PHLPP1: variants seen among roughly 807,000 people sequenced by gnomAD.
The protein encoded by PHLPP1 is PH domain and leucine rich repeat protein phosphatase 1.
Under a neutral mutation model 117.2 loss-of-function variants are expected in PHLPP1, and 42 were observed. That is an observed-to-expected ratio of 0.36 (90% CI 0.28 to 0.46). The LOEUF (loss-of-function observed/expected upper bound fraction) is 0.46, where lower values mean the gene tolerates loss of function less well. PHLPP1 is among the 20% of genes least tolerant of loss of function. The probability of loss-of-function intolerance (pLI) is 1.00; values close to 1 mark genes in which losing one functional copy is unlikely to be tolerated. For synonymous variants in PHLPP1, 1,042 were observed against 970.7 expected (o/e 1.07, Z -1.37); for missense variants, 2,084 against 2,241.9 (o/e 0.93, Z 1.42).
chr18:62,780,046 A>C (rs1207166280), intron 1 of PHLPP1, among the ~76,000 whole-genome samples: 5 of 152,180 alleles, frequency 3.3e-5, no homozygotes, highest in Admixed American at 6.5e-5. Context: ...TTTTTTTAAC[A>C]GTGTATAATT....
chr18:62,810,732 C>G (rs993241400), intron 1 of PHLPP1, among the ~76,000 whole-genome samples: 7 of 152,146 alleles, frequency 4.6e-5, no homozygotes, highest in African/African-American at 1.7e-4. Flanking sequence ...GACTACTGTA[C>G]TCTCACTGCA....
chr18:62,842,365 A>C (rs1464582615), intron 3 of PHLPP1, among the ~76,000 whole-genome samples: 1 of 149,248 alleles, frequency 6.7e-6, no homozygotes, highest in African/African-American at 2.5e-5. Context: ...TAGTAAATGC[A>C]GACTTTTTTT....
At chr18:62,859,536 T>C (rs1328627132) in intron 3 of PHLPP1, among the ~76,000 whole-genome samples, 1 of 152,228 alleles carries the variant, frequency 6.6e-6, no homozygotes, top group Non-Finnish European at 1.5e-5. Flanking sequence ...CCTGAAAAGT[T>C]TGTAGCAGAC....
chr18:62,798,653 T>A (rs1261782041), intron 1 of PHLPP1, among the ~76,000 whole-genome samples: 1 of 152,164 alleles, frequency 6.6e-6, no homozygotes, highest in Non-Finnish European at 1.5e-5. Context: ...AAAACTCCTA[T>A]GCAAAAATGA....
intron 11 of PHLPP1, among the ~76,000 whole-genome samples, chr18:62,942,605 T>C (rs1202595036): frequency 1.3e-5 from 2 of 152,176 alleles, no homozygotes; most frequent in African/African-American, 2.4e-5. Flanking sequence ...GCGGTGACAT[T>C]ATATCTAGCT....
At chr18:62,951,138 C>A (rs527542382) in intron 12 of PHLPP1, among the ~76,000 whole-genome samples, 1 of 152,064 alleles carries the variant, frequency 6.6e-6, no homozygotes, top group Admixed American at 6.6e-5. Context: ...CCCGCCACCA[C>A]GCCCGGCTAT....
intron 3 of PHLPP1, among the ~76,000 whole-genome samples, chr18:62,842,683 A>T (rs1303701166): frequency 3.9e-5 from 6 of 152,174 alleles, no homozygotes; most frequent in Admixed American, 3.9e-4. Flanking sequence ...CAGATTTTCA[A>T]TACACTACTT....
chr18:62,914,713 C>T (rs1339924989), intron 8 of PHLPP1, among the ~76,000 whole-genome samples, 200 bp from the exon 9 acceptor site: 1 of 152,218 alleles, frequency 6.6e-6, no homozygotes, highest in East Asian at 1.9e-4. Flanking sequence ...TCTGCCTCTT[C>T]CTTACTTTTT....
chr18:62,762,687 T>C (rs1912291809), intron 1 of PHLPP1, among the ~76,000 whole-genome samples: 1 of 152,198 alleles, frequency 6.6e-6, no homozygotes, highest in Non-Finnish European at 1.5e-5. Flanking sequence ...GTACTGGGAT[T>C]ACAAGTGTGA....
chr18:62,800,760 C>G (rs997054457), intron 1 of PHLPP1, among the ~76,000 whole-genome samples: 3 of 151,794 alleles, frequency 2.0e-5, no homozygotes, highest in African/African-American at 4.8e-5. Flanking sequence ...TTCTAGAGTG[C>G]CTTGAAGCTA....
At position 62,979,475 on chromosome 18, in the gene PHLPP1, A is replaced by G; in HGVS notation, c.*44A>G. 6.5e-7 allele frequency: 1 copy of G among 1,528,142 alleles called. No homozygotes were observed. The highest frequency in any genetic ancestry group is 8.8e-7 in the Non-Finnish European group (1 of 1,133,790). The allele number at this position is 1,528,142 out of a possible 1,614,324, so 94.7% of individuals were successfully genotyped here. A position where few individuals can be genotyped will look rare whatever the true frequency, so the allele number is the denominator to read the frequency against. ...CAAATAAACTAACCACAAAAGACTG[A>G]GTTGCAAGAGTCTCCCAGGCTCACA... is the stretch of plus-strand genomic sequence containing the variant. On this transcript the variant is annotated 3_prime_UTR_variant, in exon 17 of 17. Coordinates refer to ENST00000262719, the MANE Select transcript of PHLPP1 (RefSeq NM_194449.4).
chr18:62,716,910 G>T lies in PHLPP1; in HGVS notation c.1227G>T (p.Thr409=). The T allele has an allele frequency of 6.5e-7, 1 of 1,532,516 alleles. No individual in the cohort carries two copies. 94.9% of individuals were successfully genotyped at this position (1,532,516 alleles called of 1,614,324 possible). A position where few individuals can be genotyped will look rare whatever the true frequency, so the allele number is the denominator to read the frequency against. The part of the protein sequence containing the change: ...HPAQPLPLPQ[T]ASSPQPQQKA... The stretch of plus-strand genomic sequence containing the variant: ...CGCAGCCCCTCCCGCTTCCCCAGAC[G>T]GCTTCCTCGCCTCAGCCGCAGCAGA... The change falls in exon 1 of 17, where the codon ACG becomes ACT. Residue 409 remains threonine (T), a synonymous_variant. Transcript: ENST00000262719. The surrounding 1 kb of genome is among the most constrained non-coding windows in gnomAD (Gnocchi z 5.7).
rs767341458 is a variant in PHLPP1 at position 62,975,379 on chromosome 18, C to A, written c.3756-18C>A. ...GATGGGCTGTGTTTGAGTGTCACCC[C>A]CTCTCTTCGGATTCCAGGAAACTTG... On this transcript the variant is annotated intron_variant, in intron 15 of 16. Coordinates refer to ENST00000262719, the MANE Select transcript of PHLPP1 (RefSeq NM_194449.4). 1.0e-5 allele frequency: 16 copies of A among 1,573,562 alleles called. No individual in the cohort carries two copies. Among genetic ancestry groups the A allele is most frequent in the Admixed American group, 1.7e-5 (1 of 59,930 alleles).
intron 1 of PHLPP1, among the ~76,000 whole-genome samples, chr18:62,814,070 C>T (rs1914198242): frequency 6.6e-6 from 1 of 151,936 alleles, no homozygotes. Context: ...AAACTGTAAT[C>T]TGTAGGCATA....
intron 12 of PHLPP1, among the ~76,000 whole-genome samples, chr18:62,946,189 G>A (rs1910276039): frequency 6.6e-6 from 1 of 152,206 alleles, no homozygotes. Flanking sequence ...GGCACTTGCT[G>A]ATATAAACCT....
At chr18:62,882,627 C>T (rs1916197522) in intron 4 of PHLPP1, among the ~76,000 whole-genome samples, 1 of 152,170 alleles carries the variant, frequency 6.6e-6, no homozygotes, top group African/African-American at 2.4e-5. Flanking sequence ...CTTTGATACA[C>T]TTCCCAAGAT....
intron 1 of PHLPP1, among the ~76,000 whole-genome samples, chr18:62,801,741 T>C (rs939066873): frequency 6.6e-6 from 1 of 152,198 alleles, no homozygotes; most frequent in African/African-American, 2.4e-5. Flanking sequence ...CGTGAACCAC[T>C]GTGCCTGGCC....
chr18:62,860,530 C>G lies in PHLPP1; in HGVS notation c.1995C>G (p.Leu665=). The change falls in exon 4 of 17, where the codon CTC becomes CTG. Residue 665 remains leucine, a synonymous_variant. Transcript: ENST00000262719. The part of the protein sequence containing the change: ...NLFYSQDLTH[L]NLKQNFLRQN... ...TCTACAGCCAAGACCTCACTCATCT[C>G]AATTTAAAACAAAACTTCCTAAGGC... The G allele has an allele frequency of 6.2e-7, 1 of 1,613,822 alleles. No individual in the cohort carries two copies. The highest frequency in any genetic ancestry group is 8.5e-7 in the Non-Finnish European group (1 of 1,179,790).
At chr18:62,976,441 G>A (rs1257322731) in intron 16 of PHLPP1, among the ~76,000 whole-genome samples, 2 of 152,182 alleles carry the variant, frequency 1.3e-5, no homozygotes, top group Non-Finnish European at 2.9e-5. Flanking sequence ...CAGGGAAGAG[G>A]CGAGGCACAG....
Sources: allele counts gnomAD v4.1 joint callset (sites outside exome capture counted in the v4.1 genomes callset), GRCh38; gene constraint gnomAD v4.1.1; non-coding constraint Gnocchi (gnomAD v3.1); transcripts MANE v1.5; gene names NCBI Gene and HGNC (gene_info 2026-07-23, HGNC 2026-07-21).